The following NRXN3 variants were observed in gnomAD, a reference collection of about 807,000 sequenced individuals.
NRXN3 encodes neurexin 3, also known as neurexin III.
NRXN3 carries 32 observed loss-of-function variants against 137.6 expected under a neutral mutation model. That is an observed-to-expected ratio of 0.23 (90% CI 0.18 to 0.31). The LOEUF is 0.31. Ranked by LOEUF, NRXN3 falls within the 10% of genes least tolerant of loss-of-function variation. NRXN3 has a pLI of 1.00. For synonymous variants in NRXN3, 798 were observed against 784.5 expected, an observed-to-expected ratio of 1.02 and a Z score of -0.29; for missense variants, 1,574 against 2,062.5, an observed-to-expected ratio of 0.76 and a Z score of 4.59.
chr14:79,643,109 C>G (rs143310103), intron 16 of NRXN3, among the ~76,000 whole-genome samples: 48 of 136,276 alleles, frequency 3.5e-4, no homozygotes, highest in African/African-American at 1.1e-3. Flanking sequence ...TTTGGAAAGT[C>G]AAGACCACAT....
In NRXN3 at chr14:79,376,263, TATAC is replaced by T. The variant is rs1566950650; in HGVS notation, c.3263-90956_3263-90953del. Among the ~76,000 whole-genome samples, 55 of 58,630 alleles carry T rather than the reference TATAC, an allele frequency of 9.4e-4. 1 individual carries two copies. The highest frequency in any genetic ancestry group is 2.6e-3 in the South Asian group (5 of 1,948). 38.5% of individuals were successfully genotyped at this position (58,630 alleles called of 152,430 possible). A position where few individuals can be genotyped will look rare whatever the true frequency, so the allele number is the denominator to read the frequency against. ...ATATATATATATATATATATATATA[TATAC>T]ACATACATATGACTCCAAAAACAAT... On this transcript the variant is annotated intron_variant, in intron 15 of 20. Coordinates refer to ENST00000335750, the MANE Select transcript of NRXN3 (RefSeq NM_001330195.2).
At chr14:79,092,677 G>A (rs566749456) in intron 15 of NRXN3, among the ~76,000 whole-genome samples, 29 of 152,288 alleles carry the variant, frequency 1.9e-4, no homozygotes, top group Non-Finnish European at 2.6e-4. Flanking sequence ...AGATTGTAGT[G>A]AATAAGTGAC....
At chr14:78,763,958 CTGATAGTTGACTG>C (rs1595629779) in intron 8 of NRXN3, among the ~76,000 whole-genome samples, 1 of 152,306 alleles carries the variant, frequency 6.6e-6, no homozygotes, top group East Asian at 1.9e-4. Flanking sequence ...TAGGACATTT[CTGATAGTTGACTG>C]TGACACTAGG....
chr14:78,299,520 C>T (rs2076674102), intron 4 of NRXN3, among the ~76,000 whole-genome samples: 1 of 150,066 alleles, frequency 6.7e-6, no homozygotes, highest in Admixed American at 6.6e-5. Flanking sequence ...ATTCTTTAGC[C>T]TTATGATCCC....
intron 20 of NRXN3, among the ~76,000 whole-genome samples, chr14:79,850,878 G>A (rs1482135828): frequency 1.3e-5 from 2 of 152,158 alleles, no homozygotes; most frequent in African/African-American, 4.8e-5. Context: ...AGATATACAT[G>A]CATTATATTC....
At chr14:78,942,013 T>C (rs1015648825) in intron 10 of NRXN3, among the ~76,000 whole-genome samples, 1 of 152,124 alleles carries the variant, frequency 6.6e-6, no homozygotes, top group African/African-American at 2.4e-5. Flanking sequence ...AACTGTGAGA[T>C]TGTGTGCTAG....
intron 16 of NRXN3, among the ~76,000 whole-genome samples, chr14:79,486,210 G>A (rs974211860): frequency 3.3e-5 from 5 of 152,008 alleles, no homozygotes; most frequent in African/African-American, 1.2e-4. Context: ...GCCTCTGAGG[G>A]CCCTGCAAAG....
chr14:79,052,996 T>G (rs555742700), intron 15 of NRXN3, among the ~76,000 whole-genome samples: 1 of 152,220 alleles, frequency 6.6e-6, no homozygotes, highest in African/African-American at 2.4e-5. Context: ...AATACTAAGA[T>G]TATTTTATTT....
At position 79,863,391 on chromosome 14, in the gene NRXN3, A is replaced by G. The variant is rs1015513801; in HGVS notation, c.*1427A>G. 6.6e-6 allele frequency: 1 copy of G among 151,022 alleles called. No homozygotes were observed. Among genetic ancestry groups the G allele is most frequent in the Non-Finnish European group, 1.5e-5 (1 of 67,900 alleles). The allele number at this position is 151,022 out of a possible 1,614,324, so 9.4% of individuals were successfully genotyped here. A position where few individuals can be genotyped will look rare whatever the true frequency, so the allele number is the denominator to read the frequency against. On this transcript the variant is annotated 3_prime_UTR_variant, in exon 21 of 21. Coordinates refer to ENST00000335750, the MANE Select transcript of NRXN3 (RefSeq NM_001330195.2). ...GGATGACTGACACAGGAAATCTGTT[A>G]AAGTCTTAAAATGGAATGAGAATGT...
intron 4 of NRXN3, among the ~76,000 whole-genome samples, chr14:78,589,640 T>C (rs1422689601): frequency 1.3e-5 from 2 of 152,200 alleles, no homozygotes; most frequent in African/African-American, 4.8e-5. Context: ...TTTTATCTTG[T>C]TTCCTCAGCT....
intron 2 of NRXN3, among the ~76,000 whole-genome samples, chr14:78,253,685 G>GA (rs888645379): frequency 1.3e-5 from 2 of 151,766 alleles, no homozygotes; most frequent in Admixed American, 1.3e-4. Context: ...GAAAAAAAAA[G>GA]AAAAAAACCA....
At chr14:78,712,094 G>A (rs1211070256) in intron 7 of NRXN3, among the ~76,000 whole-genome samples, 1 of 152,176 alleles carries the variant, frequency 6.6e-6, no homozygotes, top group Non-Finnish European at 1.5e-5. Context: ...CACATTCAGA[G>A]AACAGATTTT....
chr14:79,344,757 A>C (rs1488545584), intron 15 of NRXN3, among the ~76,000 whole-genome samples: 1 of 152,216 alleles, frequency 6.6e-6, no homozygotes, highest in Non-Finnish European at 1.5e-5. Context: ...AAACTGAAAT[A>C]TTCCTCTTAC....
At chr14:79,559,333 T>G (rs1050404938) in intron 16 of NRXN3, among the ~76,000 whole-genome samples, 2 of 152,168 alleles carry the variant, frequency 1.3e-5, no homozygotes, top group Admixed American at 1.3e-4. Flanking sequence ...GACATGAGAC[T>G]CTTCCTTTCC....
intron 15 of NRXN3, among the ~76,000 whole-genome samples, chr14:79,395,074 A>C (rs1326078631): frequency 8.5e-5 from 13 of 152,218 alleles, no homozygotes; most frequent in Non-Finnish European, 2.9e-5. Flanking sequence ...TTGAGTACTC[A>C]CAAAGGGAGC....
chr14:78,838,053 A>G (rs1319235539), intron 10 of NRXN3, among the ~76,000 whole-genome samples: 5 of 152,182 alleles, frequency 3.3e-5, no homozygotes, highest in Non-Finnish European at 5.9e-5. Context: ...ATTATCAGCT[A>G]TGGAGTGATC....
At chr14:79,324,590 G>A (rs1038810240) in intron 15 of NRXN3, among the ~76,000 whole-genome samples, 10 of 152,172 alleles carry the variant, frequency 6.6e-5, no homozygotes, top group Non-Finnish European at 1.3e-4. Flanking sequence ...AATTAGGAGA[G>A]TATGTCTGAA....
At chr14:79,412,046 G>A (rs952535665) in intron 15 of NRXN3, among the ~76,000 whole-genome samples, 5 of 152,138 alleles carry the variant, frequency 3.3e-5, no homozygotes, top group Admixed American at 2.0e-4. Flanking sequence ...ATCCTGGCCA[G>A]TCTCCTTATG....
At chr14:78,945,980 G>A (rs1450251847) in intron 10 of NRXN3, among the ~76,000 whole-genome samples, 2 of 152,192 alleles carry the variant, frequency 1.3e-5, no homozygotes, top group African/African-American at 4.8e-5. Context: ...AAGGCAAAAT[G>A]CCTGACATAA....
Sources: gnomAD v4.1 joint callset for allele counts (sites outside exome capture counted in the v4.1 genomes callset) on GRCh38, gnomAD v4.1.1 for gene constraint, MANE v1.5 for transcripts, NCBI Gene and HGNC (gene_info 2026-07-23, HGNC 2026-07-21) for gene names.